The following BMPR1B variants were observed in gnomAD, a reference collection of about 807,000 sequenced individuals.
BMPR1B encodes the protein bone morphogenetic protein receptor type 1B, also known as bone morphogenetic protein receptor type-1B.
A neutral mutation model predicts 59.1 loss-of-function variants in BMPR1B; 12 were observed. The ratio of observed to expected loss-of-function variants is 0.20; its 90% CI spans 0.13 to 0.33. The LOEUF is 0.33. Among genes scored for constraint, BMPR1B ranks in the 10% least tolerant of loss-of-function variants. The pLI is 1.00. For synonymous variants in BMPR1B, 237 were observed against 207.3 expected (o/e 1.14, Z -1.23); for missense variants, 550 against 610.9 (o/e 0.90, Z 1.05).
chr4:94,844,514 G>T (rs1452164627), intron 1 of BMPR1B, among the ~76,000 whole-genome samples: 1 of 152,080 alleles, frequency 6.6e-6, no homozygotes, highest in East Asian at 1.9e-4. Flanking sequence ...CATTATCTAG[G>T]AGAAAGTGTG....
chr4:94,971,063 G>C (rs1329392484), intron 2 of BMPR1B, among the ~76,000 whole-genome samples: 1 of 152,114 alleles, frequency 6.6e-6, no homozygotes, highest in South Asian at 2.1e-4. Flanking sequence ...ACCTAAAATG[G>C]TGGTGCAGCA....
At chr4:94,927,078 T>C (rs1383661515) in intron 2 of BMPR1B, among the ~76,000 whole-genome samples, 1 of 152,186 alleles carries the variant, frequency 6.6e-6, no homozygotes, top group Non-Finnish European at 1.5e-5. Flanking sequence ...TCAGATGATC[T>C]GGACACAACT....
At chr4:94,977,354 A>G (rs1053323773) in intron 2 of BMPR1B, among the ~76,000 whole-genome samples, 6 of 152,150 alleles carry the variant, frequency 3.9e-5, no homozygotes, top group Non-Finnish European at 8.8e-5. Flanking sequence ...TTTGTAAACC[A>G]AGTCTTTCTG....
Position 94,784,464 on chromosome 4 carries a change from GA to G in BMPR1B, c.-183+26398del, listed in dbSNP as rs1485775046. ...GTTTTCAGGTCTCCTGTTTCTATTT[GA>G]ATAGTTTTTCAAAATTATATTTACA... On this transcript the variant is annotated intron_variant, in intron 1 of 12. Coordinates refer to ENST00000515059, the MANE Select transcript of BMPR1B (RefSeq NM_001203.3). Among the ~76,000 whole-genome samples, 7 of 151,998 alleles carry G rather than the reference GA, an allele frequency of 4.6e-5. No homozygotes were observed. In the East Asian group the frequency reaches 1.4e-3, roughly 29 times the overall value.
intron 1 of BMPR1B, among the ~76,000 whole-genome samples, chr4:94,847,337 A>T (rs978503635): frequency 6.6e-6 from 1 of 152,196 alleles, no homozygotes; most frequent in Non-Finnish European, 1.5e-5. Flanking sequence ...CTGTTCGTGT[A>T]TGTGTAAATT....
In BMPR1B at chr4:94,853,020, C is replaced by A. The variant is rs151257710; in HGVS notation, c.-182-22811C>A. On this transcript the variant is annotated intron_variant, in intron 1 of 12. Transcript: ENST00000515059. ...ATAGCCATATTTTATGTTCTTAGAA[C>A]CTAATATATTGTGGATTCGTGGTCC... is the stretch of plus-strand genomic sequence containing the variant. Among the ~76,000 whole-genome samples the A allele has an allele frequency of 4.5e-3, 682 of 152,178 alleles. 7 individuals are homozygous for A. Among genetic ancestry groups the A allele is most frequent in the African/African-American group, 0.016 (652 of 41,534 alleles).
At chr4:94,881,787 CTTTT>C (rs199696444) in intron 2 of BMPR1B, among the ~76,000 whole-genome samples, 2 of 152,044 alleles carry the variant, frequency 1.3e-5, no homozygotes, top group African/African-American at 4.8e-5. Flanking sequence ...CTTTCTAGGC[CTTTT>C]TTTCTTCAGC....
At chr4:95,054,786 A>G (rs920779508) in intron 3 of BMPR1B, among the ~76,000 whole-genome samples, 3 of 152,192 alleles carry the variant, frequency 2.0e-5, no homozygotes, top group African/African-American at 7.2e-5. Context: ...TGGTAGACTG[A>G]CAGACCTAAA....
chr4:95,049,995 G>GA (rs1240641666), intron 3 of BMPR1B, among the ~76,000 whole-genome samples: 1 of 151,982 alleles, frequency 6.6e-6, no homozygotes, highest in African/African-American at 2.4e-5. Context: ...CCATATTGGG[G>GA]AAATGTGAGC....
chr4:95,075,409 T>C (rs1728628258), intron 3 of BMPR1B, among the ~76,000 whole-genome samples: 1 of 152,190 alleles, frequency 6.6e-6, no homozygotes, highest in African/African-American at 2.4e-5. Context: ...AGCGGTACTT[T>C]ATTTTCACAT....
chr4:94,887,403 C>CAAAAAAAAAA (rs57818132), intron 2 of BMPR1B, among the ~76,000 whole-genome samples: 26 of 54,780 alleles, frequency 4.7e-4, no homozygotes, highest in South Asian at 6.5e-4. Flanking sequence ...CACCCCCCAC[C>CAAAAAAAAAA]AAAAAAAAAA....
intron 3 of BMPR1B, among the ~76,000 whole-genome samples, chr4:95,083,037 C>CAAAAAA (rs1171888403): frequency 3.5e-4 from 21 of 60,600 alleles, no homozygotes; most frequent in Admixed American, 5.0e-4. Flanking sequence ...TACTCTGTCT[C>CAAAAAA]AAAAAAAAAA....
intron 2 of BMPR1B, among the ~76,000 whole-genome samples, chr4:94,910,882 A>G (rs149067381): frequency 1.9e-3 from 285 of 152,254 alleles, no homozygotes; most frequent in Non-Finnish European, 3.5e-3. Flanking sequence ...ACTGAACTCT[A>G]GTCTGGGGAA....
intron 3 of BMPR1B, among the ~76,000 whole-genome samples, chr4:95,022,038 G>C (rs1724024171): frequency 6.6e-6 from 1 of 152,140 alleles, no homozygotes; most frequent in Admixed American, 6.6e-5. Context: ...TTTTGGGAGA[G>C]AAGAAATAGG....
At chr4:95,089,411 T>A (rs1402593595) in intron 3 of BMPR1B, among the ~76,000 whole-genome samples, 1 of 152,038 alleles carries the variant, frequency 6.6e-6, no homozygotes, top group East Asian at 1.9e-4. Context: ...GGGTAGAGTT[T>A]ATGGGTGAGA....
intron 3 of BMPR1B, among the ~76,000 whole-genome samples, chr4:95,002,423 T>C (rs183084186): frequency 6.6e-6 from 1 of 152,332 alleles, no homozygotes; most frequent in East Asian, 1.9e-4. Context: ...CTATTGTGAA[T>C]AGTGCTGTGA....
chr4:94,795,686 A>G (rs1396681302), intron 1 of BMPR1B, among the ~76,000 whole-genome samples: 1 of 151,918 alleles, frequency 6.6e-6, no homozygotes, highest in Non-Finnish European at 1.5e-5. Flanking sequence ...CTGGTCTGGA[A>G]CTCCTACCCT....
intron 3 of BMPR1B, among the ~76,000 whole-genome samples, chr4:95,081,511 T>G (rs1729136662): frequency 6.6e-6 from 1 of 152,204 alleles, no homozygotes; most frequent in Non-Finnish European, 1.5e-5. Flanking sequence ...TGTGAAGCTT[T>G]TATCCACATA....
chr4:95,076,374 C>G (rs546854727), intron 3 of BMPR1B, among the ~76,000 whole-genome samples: 35 of 151,960 alleles, frequency 2.3e-4, no homozygotes, highest in Non-Finnish European at 4.7e-4. Context: ...ATACTTTATA[C>G]TTAGAAATTT....
Sources: gnomAD v4.1 joint callset for allele counts (sites outside exome capture counted in the v4.1 genomes callset) on GRCh38, gnomAD v4.1.1 for gene constraint, MANE v1.5 for transcripts, NCBI Gene and HGNC (gene_info 2026-07-23, HGNC 2026-07-21) for gene names.